RAB38: variants seen among roughly 807,000 people sequenced by gnomAD.
RAB38 encodes the protein RAB38, member RAS oncogene family.
Under a neutral mutation model 18.4 loss-of-function variants are expected in RAB38, and 15 were observed. The observed-to-expected ratio is 0.82, with a 90% CI of 0.55 to 1.26. The LOEUF (loss-of-function observed/expected upper bound fraction) is 1.26, where lower values mean the gene tolerates loss of function less well. Among genes scored for constraint, RAB38 ranks in the 50% most tolerant of loss-of-function variants. RAB38 has a pLI of 0.00. For missense variants in RAB38, 294 were observed against 267.4 expected (o/e 1.10, Z -0.69); for synonymous variants, 101 against 104.4 (o/e 0.97, Z 0.20).
the RAB38 span, among the ~76,000 whole-genome samples, chr11:87,939,224 G>T: frequency 6.6e-6 from 1 of 151,978 alleles, no homozygotes; most frequent in Non-Finnish European, 1.5e-5. Flanking sequence ...GTTCTCATTG[G>T]TGTCTCTTCA....
chr11:88,137,218 A>G (rs1332336459), intron 2 of RAB38, among the ~76,000 whole-genome samples: 1 of 152,220 alleles, frequency 6.6e-6, no homozygotes, highest in Non-Finnish European at 1.5e-5. Flanking sequence ...TTCTAGACAC[A>G]CAGAGCTCAG....
rs1330855814 is a variant in RAB38, at chr11:88,148,032, G to A, written c.483+1643C>T. ...TCCTTCAACCACATAAACTAAAAAC[G>A]TTCAAAGAGAGTCAAGAAATATAAA... On this transcript the variant is annotated intron_variant, in intron 2 of 2. Transcript: ENST00000243662. 2.0e-5 allele frequency among the ~76,000 whole-genome samples: 3 copies of A among 152,180 alleles called. 1 individual carries two copies. The South Asian group carries it at 6.2e-4, about 32-fold the overall frequency.
the RAB38 span, among the ~76,000 whole-genome samples, chr11:88,024,287 C>T: frequency 6.6e-6 from 1 of 152,092 alleles, no homozygotes; most frequent in Admixed American, 6.5e-5. Flanking sequence ...TGAAAAGGTG[C>T]TCAACATCAT....
chr11:88,106,349 G>A, the RAB38 span, among the ~76,000 whole-genome samples: 1 of 152,044 alleles, frequency 6.6e-6, no homozygotes, highest in African/African-American at 2.4e-5. Flanking sequence ...TACACATCTG[G>A]CATAAGGTAA....
At chr11:88,007,420 CAAT>C in the RAB38 span, among the ~76,000 whole-genome samples, 21,263 of 151,710 alleles carry the variant, frequency 0.14, 1,975 homozygotes, top group Non-Finnish European at 0.22. Flanking sequence ...TTCTGCAAAT[CAAT>C]AATAAGTTGC....
At chr11:87,964,860 TA>T in the RAB38 span, among the ~76,000 whole-genome samples, 2,320 of 152,270 alleles carry the variant, frequency 0.015, 26 homozygotes, top group Non-Finnish European at 0.024. Flanking sequence ...CTTATTTCAC[TA>T]AAAAAATTTT....
chr11:88,132,525 T>G (rs1008964090), intron 2 of RAB38, among the ~76,000 whole-genome samples: 4 of 152,388 alleles, frequency 2.6e-5, no homozygotes, highest in African/African-American at 9.6e-5. Context: ...TGGCACGATC[T>G]TGGCTCACTA....
the RAB38 span, among the ~76,000 whole-genome samples, chr11:87,929,746 G>A: frequency 1.6e-5 from 2 of 125,766 alleles, no homozygotes; most frequent in East Asian, 4.6e-4. Flanking sequence ...CCCGGTGTGT[G>A]ACGTTCCCCT....
At chr11:87,919,117 C>T in the RAB38 span, among the ~76,000 whole-genome samples, 1 of 152,010 alleles carries the variant, frequency 6.6e-6, no homozygotes, top group Non-Finnish European at 1.5e-5. Context: ...AATAGACTGC[C>T]TTTCCTCCAG....
chr11:87,953,544 T>C, the RAB38 span, among the ~76,000 whole-genome samples: 1 of 138,564 alleles, frequency 7.2e-6, no homozygotes, highest in African/African-American at 3.5e-5. Flanking sequence ...GGGCTCTCTT[T>C]GTCTGTCCTT....
chr11:88,171,094 C>T (rs557984442), intron 1 of RAB38, among the ~76,000 whole-genome samples: 1 of 152,210 alleles, frequency 6.6e-6, no homozygotes, highest in Admixed American at 6.5e-5. Context: ...TATGTGAAAA[C>T]AGTCTGTAAT....
At chr11:88,052,655 G>A in the RAB38 span, among the ~76,000 whole-genome samples, 2 of 151,536 alleles carry the variant, frequency 1.3e-5, no homozygotes, top group Middle Eastern at 3.4e-3. Flanking sequence ...TCCTGACATT[G>A]AACTATCAAT....
chr11:87,833,724 A>G, the RAB38 span, among the ~76,000 whole-genome samples: 4 of 152,210 alleles, frequency 2.6e-5, no homozygotes, highest in South Asian at 2.1e-4. Context: ...AGGTAGAAGA[A>G]CCCAAGGAAT....
chr11:88,066,599 C>T, the RAB38 span, among the ~76,000 whole-genome samples: 1 of 152,020 alleles, frequency 6.6e-6, no homozygotes, highest in South Asian at 2.1e-4. Context: ...GCAGTGGAGC[C>T]TAGTGGTTAG....
chr11:88,046,143 C>T, the RAB38 span, among the ~76,000 whole-genome samples: 16 of 152,254 alleles, frequency 1.1e-4, no homozygotes, highest in African/African-American at 3.6e-4. Context: ...CTCATTAAAA[C>T]CTAATCACCT....
At chr11:87,968,376 C>T in the RAB38 span, among the ~76,000 whole-genome samples, 248 of 152,258 alleles carry the variant, frequency 1.6e-3, 1 homozygote, top group African/African-American at 5.4e-3. Context: ...CTAGAGACTA[C>T]ATTTCCCAGC....
the RAB38 span, among the ~76,000 whole-genome samples, chr11:87,961,667 C>T: frequency 6.6e-6 from 1 of 152,138 alleles, no homozygotes; most frequent in African/African-American, 2.4e-5. Flanking sequence ...GTTCTGTACC[C>T]AGGAACTAAA....
the RAB38 span, among the ~76,000 whole-genome samples, chr11:88,052,859 A>G: frequency 9.0e-4 from 125 of 138,962 alleles, no homozygotes; most frequent in African/African-American, 3.2e-3. Flanking sequence ...ACAAATTTTT[A>G]TACCTCTCAT....
At chr11:87,858,601 A>C in the RAB38 span, among the ~76,000 whole-genome samples, 1 of 152,124 alleles carries the variant, frequency 6.6e-6, no homozygotes, top group African/African-American at 2.4e-5. Flanking sequence ...AAGACCCTAA[A>C]AACCTTAAGG....
Sources: allele counts gnomAD v4.1 joint callset (sites outside exome capture counted in the v4.1 genomes callset), GRCh38; gene constraint gnomAD v4.1.1; transcripts MANE v1.5; gene names NCBI Gene and HGNC (gene_info 2026-07-23, HGNC 2026-07-21).